The following LGMN variants were observed in gnomAD, a reference collection of about 807,000 sequenced individuals.
The protein encoded by LGMN is legumain.
Under a neutral mutation model 56.8 loss-of-function variants are expected in LGMN, and 36 were observed. The observed-to-expected ratio is 0.63, with a 90% CI of 0.49 to 0.84. The LOEUF (loss-of-function observed/expected upper bound fraction) is 0.84, where lower values mean the gene tolerates loss of function less well. Among genes scored for constraint, LGMN ranks in the 40% least tolerant of loss-of-function variants. LGMN has a pLI of 0.00. For synonymous variants in LGMN, 199 were observed against 210.1 expected (o/e 0.95, Z 0.46); for missense variants, 446 against 556.1 (o/e 0.80, Z 1.99).
At chr14:92,706,450 G>A in intron 12 of LGMN, 33 bp downstream of exon 12, 1 of 1,461,040 alleles carries the variant, frequency 6.8e-7, no homozygotes, top group South Asian at 1.4e-5. Flanking sequence ...TCAGCTTCTG[G>A]ATTCTGGTCA....
intron 1 of LGMN, among the ~76,000 whole-genome samples, chr14:92,740,041 G>A (rs1192003593): frequency 6.6e-6 from 1 of 152,080 alleles, no homozygotes; most frequent in Non-Finnish European, 1.5e-5. Flanking sequence ...ACCTGAGGTC[G>A]GGAGTTCAAG....
At chr14:92,738,784 G>A (rs1411500454) in intron 1 of LGMN, among the ~76,000 whole-genome samples, 1 of 151,632 alleles carries the variant, frequency 6.6e-6, no homozygotes, top group Non-Finnish European at 1.5e-5. Flanking sequence ...ACTTTGGGAG[G>A]CCGAGGTGGG....
In LGMN at chr14:92,716,162, G is replaced by A; in HGVS notation, c.378C>T (p.Gly126=). Residue 126 remains glycine (G), a synonymous_variant, in exon 5 of 14, where the codon GGC becomes GGT. Transcript: ENST00000334869. ...TCTTCAGGACTTTGCCGGATCCTAT[G>A]CCCTTCACTGCTTCTGCATCGCCTC... ...VLRGDAEAVK[G]IGSGKVLKSG... is the part of the protein sequence containing the mutation. 6.2e-7 allele frequency: 1 copy of A among 1,613,020 alleles called. No individual in the cohort carries two copies. Among genetic ancestry groups the A allele is most frequent in the Non-Finnish European group, 8.5e-7 (1 of 1,179,238 alleles).
chr14:92,714,568 G>T lies in LGMN; in HGVS notation c.405-117C>A. 1 of 707,646 alleles carries T rather than the reference G, an allele frequency of 1.4e-6. No homozygotes were observed. Among genetic ancestry groups the T allele is most frequent in the Non-Finnish European group, 2.4e-6 (1 of 417,794 alleles). The allele number at this position is 707,646 out of a possible 1,614,324, so 43.8% of individuals were successfully genotyped here. ...TTTGGGGAGTAGAGTTGCCCAACCA[G>T]GTTTGAAGATGAACACAAGGGCCCG... On this transcript the variant is annotated intron_variant, in intron 5 of 13. Coordinates refer to ENST00000334869, the MANE Select transcript of LGMN (RefSeq NM_005606.7). This position sits in a 1 kb window ranked among gnomAD's most constrained non-coding sequence, Gnocchi z 5.1.
intron 1 of LGMN, among the ~76,000 whole-genome samples, chr14:92,744,269 C>CTCT (rs1891717024): frequency 6.6e-6 from 1 of 152,146 alleles, no homozygotes; most frequent in Non-Finnish European, 1.5e-5. Context: ...TTAGAGCATA[C>CTCT]TCTTCACGGT....
rs377723845 is a variant in LGMN, at chr14:92,712,937, A to G, written c.544-66T>C. The stretch of plus-strand genomic sequence containing the variant: ...TACGGGCCTCCAGCCATGCTACTGG[A>G]GCTCTGCCCACTCTCTCTACCCATT... On this transcript the variant is annotated intron_variant, in intron 7 of 13. Transcript: ENST00000334869. The G allele has an allele frequency of 1.6e-4, 231 of 1,431,796 alleles. 2 individuals carry two copies. In the African/African-American group the frequency reaches 3.0e-3, roughly 19 times the overall value. The allele number at this position is 1,431,796 out of a possible 1,614,324, so 88.7% of individuals were successfully genotyped here. A position where few individuals can be genotyped will look rare whatever the true frequency, so the allele number is the denominator to read the frequency against.
chr14:92,704,425 C>A, intron 13 of LGMN, 64 bp from the exon 14 acceptor site: 1 of 1,370,740 alleles, frequency 7.3e-7, no homozygotes, highest in South Asian at 1.2e-5. Context: ...CAGACAAACG[C>A]AAACCCACAT....
At chr14:92,740,434 G>A (rs1045887902) in intron 1 of LGMN, among the ~76,000 whole-genome samples, 2 of 152,194 alleles carry the variant, frequency 1.3e-5, no homozygotes, top group African/African-American at 2.4e-5. Context: ...TGAGAAAACT[G>A]AGGCTCAGAA....
intron 3 of LGMN, among the ~76,000 whole-genome samples, chr14:92,718,251 T>C (rs1162053145): frequency 2.0e-5 from 3 of 152,102 alleles, no homozygotes; most frequent in Admixed American, 2.0e-4. Flanking sequence ...TCTTTGCCAT[T>C]CCCAGGGCAC....
intron 3 of LGMN, among the ~76,000 whole-genome samples, chr14:92,718,049 T>C (rs1890160528): frequency 6.6e-6 from 1 of 152,050 alleles, no homozygotes; most frequent in South Asian, 2.1e-4. Context: ...CAGCAAGTAA[T>C]AAAATAAGTA....
chr14:92,712,199 G>A (rs1420438870), intron 8 of LGMN, among the ~76,000 whole-genome samples: 1 of 152,180 alleles, frequency 6.6e-6, no homozygotes, highest in Non-Finnish European at 1.5e-5. Context: ...TGGCAAATTG[G>A]CATGCTTAGG....
At position 92,711,685 on chromosome 14, in the gene LGMN, T is replaced by C. The variant is rs747444289; in HGVS notation, c.793A>G (p.Ser265Gly). 3 of 1,614,260 alleles carry C rather than the reference T, an allele frequency of 1.9e-6. No individual in the cohort carries two copies. The highest frequency in any genetic ancestry group is 2.5e-6 in the Non-Finnish European group (3 of 1,180,044). ...YHLVKSHTNT[S>G]HVMQYGNKTI... is the part of the protein sequence containing the mutation. ...TTGTTTCCATACTGCATGACGTGGC[T>C]GGTGTTGGTGTGCGATTTTACCAGG... Residue 265 changes from serine (S) to glycine (G), a missense_variant, in exon 10 of 14, where the codon AGC becomes GGC. Transcript: ENST00000334869.
chr14:92,726,981 T>A (rs149829060), intron 2 of LGMN, among the ~76,000 whole-genome samples: 154 of 152,350 alleles, frequency 1.0e-3, no homozygotes, highest in Middle Eastern at 6.8e-3. Context: ...GTGCATCTGA[T>A]AAAGAGCAAG....
At position 92,712,722 on chromosome 14, in the gene LGMN, C is replaced by A. The variant is rs548194950; in HGVS notation, c.610+83G>T. 9 of 1,332,450 alleles carry A rather than the reference C, an allele frequency of 6.8e-6. No homozygotes were observed. The Admixed American group carries it at 1.5e-4, about 22-fold the overall frequency. The allele number at this position is 1,332,450 out of a possible 1,614,324, so 82.5% of individuals were successfully genotyped here. A position where few individuals can be genotyped will look rare whatever the true frequency, so the allele number is the denominator to read the frequency against. ...GGCTGCCCTCAGCAGCCCCTGCTTACGGAGAATGCTCAGTTCCATGTCAGC... is the reference window on the plus strand; with the variant it reads ...GGCTGCCCTCAGCAGCCCCTGCTTAAGGAGAATGCTCAGTTCCATGTCAGC... On this transcript the variant is annotated intron_variant, in intron 8 of 13. Coordinates refer to ENST00000334869, the MANE Select transcript of LGMN (RefSeq NM_005606.7).
chr14:92,706,420 T>C (rs758646533), intron 12 of LGMN, 63 bp downstream of exon 12: 194 of 1,348,346 alleles, frequency 1.4e-4, no homozygotes, highest in Admixed American at 2.7e-4. Context: ...CCAATGTGAC[T>C]GCCAGGGGAC....
intron 11 of LGMN, among the ~76,000 whole-genome samples, chr14:92,707,493 G>A (rs1889498771): frequency 6.6e-6 from 1 of 152,148 alleles, no homozygotes; most frequent in Non-Finnish European, 1.5e-5. Context: ...TCAGCCGAAA[G>A]AACAGCGCCC....
At chr14:92,740,575 C>A (rs933700220) in intron 1 of LGMN, among the ~76,000 whole-genome samples, 1 of 152,158 alleles carries the variant, frequency 6.6e-6, no homozygotes, top group Non-Finnish European at 1.5e-5. Context: ...GTCTGGGAGG[C>A]CCCGGAACCA....
chr14:92,740,673 C>T (rs1448049491), intron 1 of LGMN, among the ~76,000 whole-genome samples: 2 of 152,214 alleles, frequency 1.3e-5, no homozygotes, highest in Non-Finnish European at 2.9e-5. Context: ...GGTGCTCTTT[C>T]GTGCCCTACT....
At chr14:92,745,596 C>T (rs1476592188) in intron 1 of LGMN, among the ~76,000 whole-genome samples, 1 of 152,218 alleles carries the variant, frequency 6.6e-6, no homozygotes, top group Non-Finnish European at 1.5e-5. Context: ...TACATACCCA[C>T]TCTACAAGCA....
Sources: gnomAD v4.1 joint callset for allele counts (sites outside exome capture counted in the v4.1 genomes callset) on GRCh38, gnomAD v4.1.1 for gene constraint, Gnocchi (gnomAD v3.1) non-coding constraint, MANE v1.5 for transcripts, NCBI Gene and HGNC (gene_info 2026-07-23, HGNC 2026-07-21) for gene names.